The following ITGA9 variants were observed in gnomAD, a reference collection of about 807,000 sequenced individuals.
ITGA9 encodes integrin subunit alpha 9, also known as integrin alpha-9.
ITGA9 carries 56 observed loss-of-function variants against 127.8 expected under a neutral mutation model. The observed-to-expected ratio is 0.44, with a 90% CI of 0.35 to 0.55. The LOEUF (loss-of-function observed/expected upper bound fraction) is 0.55. Among genes scored for constraint, ITGA9 ranks in the 20% least tolerant of loss-of-function variants. The pLI is 0.00. For synonymous variants in ITGA9, 508 were observed against 514.5 expected, an observed-to-expected ratio of 0.99 and a Z score of 0.17; for missense variants, 1,196 against 1,347.1, an observed-to-expected ratio of 0.89 and a Z score of 1.76.
intron 24 of ITGA9, among the ~76,000 whole-genome samples, chr3:37,778,218 C>G (rs1055499411): frequency 2.6e-5 from 4 of 152,144 alleles, no homozygotes; most frequent in Non-Finnish European, 5.9e-5. Context: ...TGGTTACTTT[C>G]AGAGGAATGT....
intron 14 of ITGA9, 103 bp from the exon 15 acceptor site, chr3:37,542,322 G>C: frequency 8.1e-7 from 1 of 1,228,088 alleles, no homozygotes; most frequent in Non-Finnish European, 1.2e-6. Context: ...GGAAGGGTAG[G>C]TATCATATGA....
chr3:37,751,931 G>T (rs968783150), intron 23 of ITGA9, among the ~76,000 whole-genome samples: 2 of 152,202 alleles, frequency 1.3e-5, no homozygotes, highest in African/African-American at 4.8e-5. Context: ...CATCTTCATC[G>T]TATGGAAAAG....
At chr3:37,508,288 T>A (rs1698865892) in intron 7 of ITGA9, among the ~76,000 whole-genome samples, 2 of 152,252 alleles carry the variant, frequency 1.3e-5, no homozygotes. Context: ...ACTTGTAATT[T>A]GGAAGCTTCT....
rs567194422 is a variant in ITGA9 at position 37,822,052 on chromosome 3, G to T, written c.*3063G>T. ...AGCCCTCTCTATGCTCTCAGGGGAA[G>T]CAGATGGGGTGGATCAGTACATCTG... On this transcript the variant is annotated 3_prime_UTR_variant, in exon 28 of 28. Transcript: ENST00000264741. 6.6e-6 allele frequency: 1 copy of T among 152,230 alleles called. No homozygotes were observed. The highest frequency in any genetic ancestry group is 2.4e-5 in the African/African-American group (1 of 41,540). 9.4% of individuals were successfully genotyped at this position (152,230 alleles called of 1,614,324 possible).
chr3:37,702,194 T>C (rs1700954237), intron 18 of ITGA9, among the ~76,000 whole-genome samples: 1 of 152,048 alleles, frequency 6.6e-6, no homozygotes, highest in Non-Finnish European at 1.5e-5. Context: ...TACTATAGCC[T>C]CACAATGAGC....
intron 8 of ITGA9, among the ~76,000 whole-genome samples, chr3:37,509,736 T>A (rs1698882501): frequency 6.6e-6 from 1 of 152,216 alleles, no homozygotes; most frequent in South Asian, 2.1e-4. Flanking sequence ...TGGCTTGTGT[T>A]ATTTTAACAT....
intron 8 of ITGA9, among the ~76,000 whole-genome samples, chr3:37,510,196 G>T (rs531151834): frequency 1.3e-5 from 2 of 151,944 alleles, no homozygotes; most frequent in African/African-American, 4.8e-5. Flanking sequence ...GTAGAGATGG[G>T]GTTTCACCAT....
intron 15 of ITGA9, among the ~76,000 whole-genome samples, chr3:37,593,117 G>T (rs1699836091): frequency 6.6e-6 from 1 of 152,170 alleles, no homozygotes; most frequent in African/African-American, 2.4e-5. Flanking sequence ...TGGGAGATTG[G>T]TTCCAGGATT....
chr3:37,627,017 G>C lies in ITGA9; in HGVS notation c.1690-2170G>C, dbSNP rs1700182063. On this transcript the variant is annotated intron_variant, in intron 15 of 27. Transcript: ENST00000264741. ...TCAAATTCTGGTTAGCAGAGTCAGC[G>C]GGCAGGGAGGATCTGGATCCTGGGG... 2.0e-5 allele frequency among the ~76,000 whole-genome samples: 3 copies of C among 152,122 alleles called. No individual in the cohort carries two copies. The South Asian group carries it at 6.2e-4, about 32-fold the overall frequency.
intron 15 of ITGA9, among the ~76,000 whole-genome samples, chr3:37,573,706 G>A (rs1193107803): frequency 5.3e-5 from 8 of 152,200 alleles, no homozygotes; most frequent in Non-Finnish European, 1.2e-4. Flanking sequence ...TCTGGCAATA[G>A]CTTCAAGGAA....
chr3:37,503,840 A>G (rs564782814), intron 6 of ITGA9, among the ~76,000 whole-genome samples: 90 of 152,380 alleles, frequency 5.9e-4, no homozygotes, highest in African/African-American at 2.1e-3. Context: ...TAATGTAGCT[A>G]TCAGGCAGAA....
At chr3:37,783,516 T>A (rs1049857146) in intron 25 of ITGA9, among the ~76,000 whole-genome samples, 4 of 151,950 alleles carry the variant, frequency 2.6e-5, no homozygotes, top group Admixed American at 1.3e-4. Context: ...AATTTTTTTT[T>A]AATCTTTTGT....
At chr3:37,516,795 C>T (rs1257845934) in intron 9 of ITGA9, among the ~76,000 whole-genome samples, 2 of 152,192 alleles carry the variant, frequency 1.3e-5, no homozygotes, top group Admixed American at 1.3e-4. Context: ...CATTGTATCA[C>T]TCTGGTCTTC....
intron 16 of ITGA9, among the ~76,000 whole-genome samples, chr3:37,641,202 C>T (rs1212974411): frequency 3.3e-5 from 5 of 152,134 alleles, no homozygotes; most frequent in African/African-American, 7.2e-5. Context: ...ACCGCCTGAG[C>T]GCCCCTCCTG....
In ITGA9 at chr3:37,812,019, C is replaced by G. The variant is rs145567735; in HGVS notation, c.3010-6872C>G. Among the ~76,000 whole-genome samples the G allele has an allele frequency of 3.7e-3, 566 of 152,324 alleles. 5 individuals carry two copies. The highest frequency in any genetic ancestry group is 7.4e-3 in the Admixed American group (114 of 15,306). ...TCAGAGAATGTGTAAGGTTTGGCAACCCCTCCAGAGGTCACTGGGTTATCA... is the reference window on the plus strand; with the variant it reads ...TCAGAGAATGTGTAAGGTTTGGCAAGCCCTCCAGAGGTCACTGGGTTATCA... On this transcript the variant is annotated intron_variant, in intron 27 of 27. Transcript: ENST00000264741.
chr3:37,561,210 G>A (rs1699484356), intron 15 of ITGA9, among the ~76,000 whole-genome samples: 1 of 152,162 alleles, frequency 6.6e-6, no homozygotes, highest in Non-Finnish European at 1.5e-5. Flanking sequence ...TAGCCAAAAT[G>A]TTATTATTTC....
intron 15 of ITGA9, among the ~76,000 whole-genome samples, chr3:37,588,403 G>A (rs1458696132): frequency 2.9e-5 from 4 of 139,522 alleles, no homozygotes; most frequent in African/African-American, 5.2e-5. Flanking sequence ...ACCCATCCAA[G>A]CTTCGTCCAC....
intron 18 of ITGA9, among the ~76,000 whole-genome samples, chr3:37,698,007 A>C (rs1324942445): frequency 1.3e-5 from 2 of 152,144 alleles, no homozygotes; most frequent in East Asian, 1.9e-4. Context: ...TGGTTTCCTG[A>C]CTTTTTAATG....
At chr3:37,752,063 G>A (rs996891813) in intron 23 of ITGA9, among the ~76,000 whole-genome samples, 8 of 152,214 alleles carry the variant, frequency 5.3e-5, no homozygotes, top group Admixed American at 5.2e-4. Flanking sequence ...ATGAGGTGCT[G>A]TAGTGAAGAG....
Sources: gnomAD v4.1 joint callset for allele counts (sites outside exome capture counted in the v4.1 genomes callset) on GRCh38, gnomAD v4.1.1 for gene constraint, MANE v1.5 for transcripts, NCBI Gene and HGNC (gene_info 2026-07-23, HGNC 2026-07-21) for gene names.